RTEL1: variants seen among roughly 807,000 people sequenced by gnomAD.
RTEL1 encodes the protein regulator of telomere elongation helicase 1, also known as regulator of telomere length.
In RTEL1, 86 loss-of-function variants were observed where a neutral mutation model predicts 162.2. The ratio of observed to expected loss-of-function variants is 0.53; its 90% confidence interval spans 0.45 to 0.63. RTEL1 has a LOEUF of 0.63. RTEL1 is among the 30% of genes least tolerant of loss of function. The pLI is 0.00. For missense variants in RTEL1, 1,941 were observed against 1,750.2 expected (o/e 1.11, Z -1.95); for synonymous variants, 958 against 717.9 (o/e 1.33, Z -5.35).
At position 63,661,327 on chromosome 20, in the gene RTEL1, G is replaced by A. The variant is rs377454469; in HGVS notation, c.132G>A (p.Thr44=). 42 of 1,612,706 alleles carry A rather than the reference G, an allele frequency of 2.6e-5. No individual in the cohort carries two copies. Among genetic ancestry groups the A allele is most frequent in the Non-Finnish European group, 3.4e-5 (40 of 1,180,034 alleles). The part of the protein sequence containing the change: ...QKVNGILESP[T]GTGKTLCLLC... The stretch of plus-strand genomic sequence containing the variant: ...TGAATGGCATCCTGGAGAGCCCTAC[G>A]GGTACAGGGAAGACGCTGTGCCTGC... Residue 44 remains threonine, a synonymous_variant, in exon 3 of 35, where the codon ACG becomes ACA. Coordinates refer to ENST00000360203, the MANE Select transcript of RTEL1 (RefSeq NM_001283009.2). The surrounding 1 kb of genome is among the most constrained non-coding windows in gnomAD (Gnocchi z 5.1).
At chr20:63,687,570 G>C in intron 16 of RTEL1, 68 bp from the exon 17 acceptor site, 1 of 1,486,654 alleles carries the variant, frequency 6.7e-7, no homozygotes. Flanking sequence ...GATGGGCAGA[G>C]AGGCAGGTGG....
chr20:63,692,564 C>A, intron 28 of RTEL1: 1 of 576,924 alleles, frequency 1.7e-6, no homozygotes, highest in Non-Finnish European at 3.1e-6. Context: ...ACCCTTTGCC[C>A]ATTCACTGCT....
rs747329908 is a variant in RTEL1 at position 63,693,023 on chromosome 20, C to A, written c.2851+20C>A. 35 of 1,611,810 alleles carry A rather than the reference C, an allele frequency of 2.2e-5. No individual in the cohort carries two copies. In the East Asian group the frequency reaches 6.9e-4, roughly 32 times the overall value. On this transcript the variant is annotated intron_variant, in intron 29 of 34. Transcript: ENST00000360203. The stretch of plus-strand genomic sequence containing the variant: ...TCCAAGGTGCCCTGGCTTGCAGAGG[C>A]CACCCACCCTGAGGGCAGTGCTGCC...
Position 63,685,785 on chromosome 20 carries a change from C to G in RTEL1, c.1267-6C>G. On this transcript the variant is annotated splice_polypyrimidine_tract_variant and splice_region_variant and intron_variant, in intron 15 of 34. Coordinates refer to ENST00000360203, the MANE Select transcript of RTEL1 (RefSeq NM_001283009.2). ...GCCTCCACACTCCTGGTCCTGTCCCCTCCAGGTGCACATCCATCCTGATGC... is the reference window on the plus strand; with the variant it reads ...GCCTCCACACTCCTGGTCCTGTCCCGTCCAGGTGCACATCCATCCTGATGC... The G allele has an allele frequency of 1.2e-6, 2 of 1,611,464 alleles. No homozygotes were observed. Among genetic ancestry groups the G allele is most frequent in the Non-Finnish European group, 1.7e-6 (2 of 1,179,412 alleles).
At position 63,690,817 on chromosome 20, in the gene RTEL1, C is replaced by T; in HGVS notation, c.2426C>T (p.Ala809Val). The stretch of plus-strand genomic sequence containing the variant: ...GGTGCCCCTGCAGGGTCACCAGCTG[C>T]CGGGGACCCCGAGAGTAGCCTGTGT... Reference protein sequence around the residue: ...LKQRSSGSPAAGDPESSLCVE... With the variant: ...LKQRSSGSPAVGDPESSLCVE... Residue 809 changes from alanine (A) to valine (V), a missense_variant, in exon 27 of 35, where the codon GCC (alanine) becomes GTC (valine). Physicochemically the swap from Ala to Val is moderately conservative, Grantham distance 64 (BLOSUM62 0). Coordinates refer to ENST00000360203, the MANE Select transcript of RTEL1 (RefSeq NM_001283009.2). The T allele has an allele frequency of 6.2e-7, 1 of 1,604,042 alleles. No individual in the cohort carries two copies. Among genetic ancestry groups the T allele is most frequent in the Non-Finnish European group, 8.5e-7 (1 of 1,177,288 alleles).
Position 63,694,973 on chromosome 20 carries a change from C to G in RTEL1, c.3342C>G (p.His1114Gln). 6.2e-7 allele frequency: 1 copy of G among 1,612,296 alleles called. No individual in the cohort carries two copies. The highest frequency in any genetic ancestry group is 8.5e-7 in the Non-Finnish European group (1 of 1,179,732). Residue 1114 changes from histidine (H) to glutamine (Q), a missense_variant and splice_region_variant, in exon 32 of 35, where the codon CAC (histidine) becomes CAG (glutamine). Physicochemically the swap from His to Gln is conservative, Grantham distance 24. Transcript: ENST00000360203. Reference protein sequence around the residue: ...TAKPEDFPLLHRFSMFVRPHH... With the variant: ...TAKPEDFPLLQRFSMFVRPHH... ...AGCCAGAGGACTTCCCCCTGCTGCACAGCAAGTGGCCCTGGCGTGGGGAAC... is the reference window on the plus strand; with the variant it reads ...AGCCAGAGGACTTCCCCCTGCTGCAGAGCAAGTGGCCCTGGCGTGGGGAAC...
intron 16 of RTEL1, 115 bp downstream of exon 16, chr20:63,685,987 A>C (rs759044007): frequency 4.0e-5 from 38 of 940,880 alleles, no homozygotes; most frequent in Non-Finnish European, 6.3e-5. Context: ...GGGCCTGGCC[A>C]CCTTCTCCAT....
At chr20:63,689,213 C>A in intron 22 of RTEL1, 81 bp downstream of exon 22, 1 of 1,373,452 alleles carries the variant, frequency 7.3e-7, no homozygotes, top group South Asian at 1.2e-5. Context: ...AGACTCTGGG[C>A]CCTGGGGGCT....
rs6010623 is a variant in RTEL1 at position 63,682,000 on chromosome 20, T to C, written c.1191+1281T>C. ...TCAGGCGGACCTGCTTCCATGTCCC[T>C]GATGGGTCACTGCAAAGCACCTCCA... On this transcript the variant is annotated intron_variant, in intron 14 of 34. Coordinates refer to ENST00000360203, the MANE Select transcript of RTEL1 (RefSeq NM_001283009.2). 2.7e-3 allele frequency: 2,708 copies of C among 985,410 alleles called. 59 individuals carry two copies. The African/African-American group carries it at 0.042, about 15-fold the overall frequency. The allele number at this position is 985,410 out of a possible 1,614,324, so 61.0% of individuals were successfully genotyped here.
chr20:63,692,709 C>T, intron 28 of RTEL1, 96 bp from the exon 29 acceptor site: 4 of 1,229,270 alleles, frequency 3.3e-6, no homozygotes, highest in Non-Finnish European at 4.6e-6. Flanking sequence ...CAGTCACTGT[C>T]CCAGGGAACG....
At chr20:63,691,987 A>G in intron 28 of RTEL1, 150 bp downstream of exon 28, 1 of 602,096 alleles carries the variant, frequency 1.7e-6, no homozygotes, top group East Asian at 2.9e-5. Flanking sequence ...GCTGACGGCC[A>G]GGGGCTCAAG....
chr20:63,674,118 G>A (rs914158913), intron 10 of RTEL1, 25 bp downstream of exon 10: 2 of 1,590,120 alleles, frequency 1.3e-6, no homozygotes, highest in African/African-American at 1.4e-5. Flanking sequence ...AGACTGCTTG[G>A]TCCTGAGGCC....
chr20:63,678,529 G>T (rs964793903), intron 12 of RTEL1, among the ~76,000 whole-genome samples, 183 bp downstream of exon 12: 1 of 151,286 alleles, frequency 6.6e-6, no homozygotes, highest in Non-Finnish European at 1.5e-5. Flanking sequence ...GAGAGGAGCA[G>T]CACACACTCC....
intron 4 of RTEL1, 54 bp from the exon 5 acceptor site, chr20:63,662,492 G>A (rs1159737400): frequency 3.0e-5 from 49 of 1,606,816 alleles, no homozygotes; most frequent in East Asian, 4.5e-5. Context: ...GCAGGGCCAC[G>A]CTGTGGGTGT....
rs1256279638 is a variant in RTEL1, at chr20:63,661,499, G to A, written c.301+3G>A. On this transcript the variant is annotated splice_donor_region_variant and intron_variant, in intron 3 of 34. Coordinates refer to ENST00000360203, the MANE Select transcript of RTEL1 (RefSeq NM_001283009.2). The surrounding 1 kb of genome is among the most constrained non-coding windows in gnomAD (Gnocchi z 5.1). ...TGCTGCTGCTGGAGACCCCATAGGT[G>A]ACCCTAGTTCCCAGGCCTCTCCTGG... The A allele has an allele frequency of 2.5e-6, 4 of 1,608,458 alleles. No individual in the cohort carries two copies. Among genetic ancestry groups the A allele is most frequent in the Middle Eastern group, 3.3e-4 (2 of 6,062 alleles).
rs2090175805 is a variant in RTEL1, at chr20:63,668,161, A to C, written c.699+608A>C. 6.7e-6 allele frequency among the ~76,000 whole-genome samples: 1 copy of C among 148,690 alleles called. No individual in the cohort carries two copies. The highest frequency in any genetic ancestry group is 1.5e-5 in the Non-Finnish European group (1 of 67,318). ...CCCCACACTCAACTCCCCTCCTCCC[A>C]GTGTGTGCCCGGCCCTGCTGCCCTC... On this transcript the variant is annotated intron_variant, in intron 8 of 34. Transcript: ENST00000360203. This position sits in a 1 kb window ranked among gnomAD's most constrained non-coding sequence, Gnocchi z 4.3.
intron 14 of RTEL1, among the ~76,000 whole-genome samples, chr20:63,684,455 G>A (rs1308982179): frequency 1.3e-5 from 2 of 152,000 alleles, no homozygotes; most frequent in Admixed American, 6.6e-5. Flanking sequence ...CCGGGTTCAC[G>A]CCATTCTCCT....
intron 7 of RTEL1, among the ~76,000 whole-genome samples, chr20:63,666,685 A>G (rs901257529): frequency 1.3e-5 from 2 of 151,758 alleles, no homozygotes; most frequent in African/African-American, 4.8e-5. Flanking sequence ...GCAGGCACAC[A>G]CCACCATGCC....
At chr20:63,691,441 G>A (rs2090740214) in intron 27 of RTEL1, among the ~76,000 whole-genome samples, 3 of 152,066 alleles carry the variant, frequency 2.0e-5, no homozygotes, top group Admixed American at 1.3e-4. Context: ...CCCCTGGAGT[G>A]AGCTCCAGGT....
Sources: gnomAD v4.1 joint callset for allele counts (sites outside exome capture counted in the v4.1 genomes callset) on GRCh38, gnomAD v4.1.1 for gene constraint, Gnocchi (gnomAD v3.1) non-coding constraint, MANE v1.5 for transcripts, NCBI Gene and HGNC (gene_info 2026-07-23, HGNC 2026-07-21) for gene names.